Variants in RTL4 observed in about 807,000 individuals in gnomAD.
RTL4 encodes retrotransposon Gag like 4.
Under a neutral mutation model 5.3 loss-of-function variants are expected in RTL4, and 4 were observed. That is an observed-to-expected ratio of 0.75 (90% CI 0.37 to 1.72). RTL4 has a LOEUF of 1.72. RTL4 is among the 40% of genes most tolerant of loss of function. The pLI is 0.04. For synonymous variants in RTL4, 98 were observed against 87.3 expected (o/e 1.12, Z -0.68); for missense variants, 260 against 227.1 (o/e 1.14, Z -0.93).
At chrX:112,436,226 C>CAA in the RTL4 span, among the ~76,000 whole-genome samples, 1 of 98,096 alleles carries the variant, frequency 1.0e-5, no homozygotes, top group Admixed American at 1.1e-4. Flanking sequence ...CATAACAAAA[C>CAA]AAAAAAAAAA....
chrX:112,203,594 T>C, the RTL4 span, among the ~76,000 whole-genome samples: 1 of 111,151 alleles, frequency 9.0e-6, no homozygotes, highest in Non-Finnish European at 1.9e-5. Flanking sequence ...CTCTGTTCTG[T>C]TCCATTGATC....
chrX:112,308,135 G>T, the RTL4 span, among the ~76,000 whole-genome samples: 1 of 111,291 alleles, frequency 9.0e-6, no homozygotes. Flanking sequence ...ACTTTCTGGG[G>T]GTTTTAGCTA....
At chrX:112,310,954 A>T in the RTL4 span, among the ~76,000 whole-genome samples, 2 of 102,570 alleles carry the variant, frequency 1.9e-5, no homozygotes, top group African/African-American at 7.1e-5. Context: ...CTTGCAATTA[A>T]ATTCCAGTCT....
At chrX:112,283,498 A>T in the RTL4 span, among the ~76,000 whole-genome samples, 1 of 111,416 alleles carries the variant, frequency 9.0e-6, no homozygotes, top group Non-Finnish European at 1.9e-5. Context: ...AGCTCTAGAG[A>T]GGAGACCCAA....
the RTL4 span, among the ~76,000 whole-genome samples, chrX:112,245,252 G>A: frequency 4.4e-4 from 49 of 111,363 alleles, no homozygotes; most frequent in Non-Finnish European, 8.3e-4. Flanking sequence ...GCCTTGCTAG[G>A]TTGGGGAAGT....
the RTL4 span, among the ~76,000 whole-genome samples, chrX:112,310,327 G>A: frequency 3.4e-4 from 20 of 59,662 alleles, no homozygotes; most frequent in African/African-American, 1.2e-3. Context: ...AAGCTAAGAA[G>A]AGAGACCTTA....
At chrX:112,400,451 T>C in the RTL4 span, among the ~76,000 whole-genome samples, 1 of 111,984 alleles carries the variant, frequency 8.9e-6, no homozygotes, top group Admixed American at 9.5e-5. Flanking sequence ...TCTAGTTTCT[T>C]GAACATATGG....
chrX:112,301,025 G>T, the RTL4 span, among the ~76,000 whole-genome samples: 2 of 111,503 alleles, frequency 1.8e-5, no homozygotes, highest in African/African-American at 6.5e-5. Flanking sequence ...GAGAGTTAGG[G>T]GTTGCGTCTC....
the RTL4 span, among the ~76,000 whole-genome samples, chrX:112,439,092 A>G: frequency 4.5e-5 from 5 of 111,888 alleles, no homozygotes; most frequent in Non-Finnish European, 9.4e-5. Flanking sequence ...CCTTATGGCC[A>G]TCACCAGTAG....
chrX:112,455,433 G>T (rs1450416340), exon 1 of RTL4: 4 of 1,210,855 alleles, frequency 3.3e-6, no homozygotes, highest in Non-Finnish European at 4.5e-6. Flanking sequence ...TCCCATTGTT[G>T]GCTTCCTTGA....
the RTL4 span, among the ~76,000 whole-genome samples, chrX:112,141,471 A>G: frequency 3.7e-3 from 413 of 111,536 alleles, 1 homozygote; most frequent in African/African-American, 0.013. Context: ...ATCTCAGGGG[A>G]AAAAAAACTC....
the RTL4 span, among the ~76,000 whole-genome samples, chrX:112,091,611 G>T: frequency 9.0e-6 from 1 of 111,545 alleles, no homozygotes; most frequent in Non-Finnish European, 1.9e-5. Context: ...AGGATACTTT[G>T]TATTATTTCA....
chrX:112,305,136 G>T, the RTL4 span, among the ~76,000 whole-genome samples: 62 of 107,838 alleles, frequency 5.7e-4, no homozygotes, highest in African/African-American at 1.9e-3. Context: ...AGGGGATGGG[G>T]AGTACTCAGT....
the RTL4 span, among the ~76,000 whole-genome samples, chrX:112,324,750 G>A: frequency 3.6e-5 from 4 of 110,651 alleles, no homozygotes; most frequent in African/African-American, 6.6e-5. Context: ...TTAATTTATT[G>A]AGCTTTTTTG....
At chrX:112,237,482 G>A in the RTL4 span, among the ~76,000 whole-genome samples, 1 of 112,260 alleles carries the variant, frequency 8.9e-6, no homozygotes, top group East Asian at 2.8e-4. Context: ...AAGTTCATGA[G>A]GGAAGTATTG....
chrX:112,151,984 TG>T, the RTL4 span, among the ~76,000 whole-genome samples: 10 of 111,845 alleles, frequency 8.9e-5, no homozygotes, highest in African/African-American at 2.9e-4. Flanking sequence ...AAATACCATT[TG>T]GGAGCGGGGC....
At chrX:112,185,150 T>C in the RTL4 span, among the ~76,000 whole-genome samples, 1 of 109,970 alleles carries the variant, frequency 9.1e-6, no homozygotes, top group Admixed American at 9.8e-5. Context: ...ATAAGGCAAG[T>C]TTCTTGATTC....
the RTL4 span, among the ~76,000 whole-genome samples, chrX:112,209,565 G>A: frequency 3.7e-3 from 410 of 111,763 alleles, 3 homozygotes; most frequent in African/African-American, 0.012. Context: ...CGCCCCATGA[G>A]GCCATCGTTG....
chrX:112,222,797 G>T, the RTL4 span, among the ~76,000 whole-genome samples: 1 of 112,252 alleles, frequency 8.9e-6, no homozygotes, highest in Admixed American at 9.4e-5. Flanking sequence ...ATGCCGAATG[G>T]GGCTGATGCC....
Sources: gnomAD v4.1 joint callset for allele counts (sites outside exome capture counted in the v4.1 genomes callset) on GRCh38, gnomAD v4.1.1 for gene constraint, MANE v1.5 for transcripts, NCBI Gene and HGNC (gene_info 2026-07-23, HGNC 2026-07-21) for gene names.